CNTNAP4: variants seen among roughly 807,000 people sequenced by gnomAD.
CNTNAP4 encodes contactin-associated protein-like 4.
A neutral mutation model predicts 148.4 loss-of-function variants in CNTNAP4; 98 were observed. That is an observed-to-expected ratio of 0.66 (90% CI 0.56 to 0.78). The LOEUF is 0.78. Among genes scored for constraint, CNTNAP4 ranks in the 30% least tolerant of loss-of-function variants. CNTNAP4 has a pLI of 0.00. For synonymous variants in CNTNAP4, 730 were observed against 565.1 expected, an observed-to-expected ratio of 1.29 and a Z score of -4.14; for missense variants, 1,935 against 1,565.6, an observed-to-expected ratio of 1.24 and a Z score of -3.98.
At chr16:76,352,442 T>C (rs376732853) in intron 2 of CNTNAP4, among the ~76,000 whole-genome samples, 1 of 152,252 alleles carries the variant, frequency 6.6e-6, no homozygotes, top group East Asian at 1.9e-4. Flanking sequence ...AGTGAGTCTT[T>C]TCTACATCCA....
chr16:76,465,821 A>G (rs929123137), intron 9 of CNTNAP4, among the ~76,000 whole-genome samples: 4 of 152,208 alleles, frequency 2.6e-5, no homozygotes, highest in African/African-American at 9.7e-5. Flanking sequence ...TGAAACTTCA[A>G]AGTCTCCATT....
chr16:76,539,715 C>A lies in CNTNAP4; in HGVS notation c.3221-4C>A. ...AAAAGAATCACAATTTTTCCCCACT[C>A]TAGGAAGTTTGCAGATCAGGTACAA... On this transcript the variant is annotated splice_polypyrimidine_tract_variant and splice_region_variant and intron_variant, in intron 19 of 23. Transcript: ENST00000611870. The A allele has an allele frequency of 6.3e-7, 1 of 1,589,006 alleles. No homozygotes were observed. Among genetic ancestry groups the A allele is most frequent in the Non-Finnish European group, 8.5e-7 (1 of 1,172,052 alleles).
chr16:76,524,625 A>G (rs1187906117), intron 17 of CNTNAP4, among the ~76,000 whole-genome samples: 1 of 152,188 alleles, frequency 6.6e-6, no homozygotes, highest in African/African-American at 2.4e-5. Flanking sequence ...AAACTGCTTT[A>G]AAACAGACTT....
intron 15 of CNTNAP4, among the ~76,000 whole-genome samples, chr16:76,502,044 G>T (rs1454892538): frequency 6.6e-6 from 1 of 151,566 alleles, no homozygotes; most frequent in South Asian, 2.1e-4. Flanking sequence ...ACTCCAGCCT[G>T]GGCGACAGAG....
chr16:76,517,271 G>T (rs1449568104), intron 15 of CNTNAP4, among the ~76,000 whole-genome samples: 1 of 152,140 alleles, frequency 6.6e-6, no homozygotes, highest in Admixed American at 6.5e-5. Flanking sequence ...TGTGGCAATA[G>T]AAATGTTCTG....
At chr16:76,504,575 C>T (rs2082771908) in intron 15 of CNTNAP4, among the ~76,000 whole-genome samples, 1 of 151,924 alleles carries the variant, frequency 6.6e-6, no homozygotes, top group African/African-American at 2.4e-5. Flanking sequence ...TTCTTAGATA[C>T]AACACTAAAA....
At chr16:76,523,109 T>G (rs1433874252) in intron 17 of CNTNAP4, among the ~76,000 whole-genome samples, 1 of 152,026 alleles carries the variant, frequency 6.6e-6, no homozygotes, top group Non-Finnish European at 1.5e-5. Flanking sequence ...TGGTTTCAGC[T>G]TATTTATTTA....
chr16:76,426,968 C>G (rs2079427145), intron 3 of CNTNAP4, among the ~76,000 whole-genome samples: 6 of 152,152 alleles, frequency 3.9e-5, no homozygotes. Flanking sequence ...TTGCGTGGTA[C>G]TTTTCTTTAT....
intron 1 of CNTNAP4, among the ~76,000 whole-genome samples, chr16:76,313,330 G>A (rs553703970): frequency 2.3e-4 from 35 of 152,240 alleles, no homozygotes; most frequent in African/African-American, 8.4e-4. Context: ...ACTTACACCT[G>A]CATGCTGAAA....
chr16:76,340,616 C>T (rs1028860070), intron 2 of CNTNAP4, among the ~76,000 whole-genome samples: 7 of 152,156 alleles, frequency 4.6e-5, no homozygotes, highest in African/African-American at 1.2e-4. Context: ...CCGATGCTTT[C>T]ATGTCTTCAT....
At chr16:76,504,666 T>A (rs890719699) in intron 15 of CNTNAP4, among the ~76,000 whole-genome samples, 12 of 152,024 alleles carry the variant, frequency 7.9e-5, no homozygotes, top group Non-Finnish European at 1.3e-4. Flanking sequence ...TGTCGAGAAA[T>A]TGAAAAGAAA....
chr16:76,348,767 T>C (rs545599428), intron 2 of CNTNAP4, among the ~76,000 whole-genome samples: 13 of 151,778 alleles, frequency 8.6e-5, no homozygotes, highest in African/African-American at 1.5e-4. Flanking sequence ...GAAAATCTGA[T>C]TGGAGTCGGC....
chr16:76,549,277 T>G (rs950862735), intron 21 of CNTNAP4, among the ~76,000 whole-genome samples: 1 of 152,122 alleles, frequency 6.6e-6, no homozygotes. Context: ...TTTTCTCTGT[T>G]TCTCAAGGTG....
intron 3 of CNTNAP4, among the ~76,000 whole-genome samples, chr16:76,416,793 G>C (rs2079001216): frequency 6.6e-6 from 1 of 151,280 alleles, no homozygotes; most frequent in Non-Finnish European, 1.5e-5. Flanking sequence ...CTGCTTTCCT[G>C]CTTCCTTGAT....
At chr16:76,455,871 G>A (rs2080710161) in intron 8 of CNTNAP4, among the ~76,000 whole-genome samples, 1 of 152,146 alleles carries the variant, frequency 6.6e-6, no homozygotes, top group Admixed American at 6.5e-5. Context: ...TGACAACTAA[G>A]CTCTCATGTT....
At chr16:76,470,175 G>A (rs1205727518) in intron 10 of CNTNAP4, among the ~76,000 whole-genome samples, 1 of 152,106 alleles carries the variant, frequency 6.6e-6, no homozygotes, top group East Asian at 1.9e-4. Flanking sequence ...AGAAAAGGCA[G>A]AGCCCAGCCT....
intron 12 of CNTNAP4, among the ~76,000 whole-genome samples, chr16:76,481,012 G>A (rs767663207): frequency 1.3e-5 from 2 of 152,136 alleles, no homozygotes; most frequent in Non-Finnish European, 2.9e-5. Context: ...GATTGGCTAC[G>A]TAAAGCCGTA....
intron 12 of CNTNAP4, among the ~76,000 whole-genome samples, chr16:76,487,117 A>G (rs1380788513): frequency 6.6e-6 from 1 of 152,182 alleles, no homozygotes; most frequent in Non-Finnish European, 1.5e-5. Context: ...ATTTAACATT[A>G]TTTAGCAATT....
intron 1 of CNTNAP4, among the ~76,000 whole-genome samples, chr16:76,299,721 A>G (rs1181428032): frequency 6.6e-6 from 1 of 152,200 alleles, no homozygotes; most frequent in East Asian, 1.9e-4. Flanking sequence ...CACTATTCAC[A>G]GTAGCAAAGA....
Sources: allele counts gnomAD v4.1 joint callset (sites outside exome capture counted in the v4.1 genomes callset), GRCh38; gene constraint gnomAD v4.1.1; transcripts MANE v1.5; gene names NCBI Gene and HGNC (gene_info 2026-07-23, HGNC 2026-07-21).